Variants in HYCC1 observed in about 807,000 individuals in gnomAD.
HYCC1 encodes the protein hyccin PI4KA lipid kinase complex subunit 1, also known as hyccin.
At chr7:22,996,084 T>C in the HYCC1 span, among the ~76,000 whole-genome samples, 1 of 151,918 alleles carries the variant, frequency 6.6e-6, no homozygotes, top group Admixed American at 6.6e-5. Flanking sequence ...CACTTGAGGT[T>C]AGGAGTTTGA....
the HYCC1 span, among the ~76,000 whole-genome samples, chr7:22,924,687 G>A: frequency 2.0e-5 from 3 of 152,246 alleles, no homozygotes; most frequent in Non-Finnish European, 4.4e-5. Context: ...TGGCTGGGAA[G>A]CTCGAACTGG....
chr7:22,907,645 C>A, the HYCC1 span, among the ~76,000 whole-genome samples: 2 of 152,154 alleles, frequency 1.3e-5, no homozygotes, highest in African/African-American at 4.8e-5. Flanking sequence ...TGCGGGGGCC[C>A]ACCCCTGTAA....
At chr7:23,012,509 T>C in the HYCC1 span, among the ~76,000 whole-genome samples, 12 of 152,102 alleles carry the variant, frequency 7.9e-5, no homozygotes, top group African/African-American at 2.4e-4. Flanking sequence ...GTTTCCTAAA[T>C]ATGTGATGCT....
At chr7:22,903,508 T>G in the HYCC1 span, among the ~76,000 whole-genome samples, 1 of 152,136 alleles carries the variant, frequency 6.6e-6, no homozygotes, top group South Asian at 2.1e-4. Flanking sequence ...TTATCAAAAT[T>G]GACACAAGAA....
At chr7:22,933,218 T>G in the HYCC1 span, among the ~76,000 whole-genome samples, 37,689 of 152,058 alleles carry the variant, frequency 0.25, 4,811 homozygotes, top group East Asian at 0.45. Context: ...TGAATTATTG[T>G]GATAAATCTT....
chr7:23,001,060 C>T, the HYCC1 span, among the ~76,000 whole-genome samples: 1 of 152,038 alleles, frequency 6.6e-6, no homozygotes, highest in South Asian at 2.1e-4. Flanking sequence ...CCATACACAA[C>T]TGGCATCATT....
the HYCC1 span, among the ~76,000 whole-genome samples, chr7:22,984,557 A>G: frequency 6.6e-6 from 1 of 151,932 alleles, no homozygotes; most frequent in African/African-American, 2.4e-5. Context: ...TCGTCTCTAC[A>G]AAAAAACAAA....
At chr7:22,909,497 T>G in the HYCC1 span, among the ~76,000 whole-genome samples, 1 of 152,150 alleles carries the variant, frequency 6.6e-6, no homozygotes, top group Admixed American at 6.5e-5. Context: ...AACACACCAC[T>G]CCACGCATGT....
chr7:23,013,146 G>C, the HYCC1 span, among the ~76,000 whole-genome samples: 17 of 152,312 alleles, frequency 1.1e-4, no homozygotes, highest in Admixed American at 7.8e-4. Context: ...GCAAATTTCG[G>C]GGAAGCGTAC....
At chr7:22,916,124 A>G in the HYCC1 span, among the ~76,000 whole-genome samples, 1 of 152,136 alleles carries the variant, frequency 6.6e-6, no homozygotes, top group South Asian at 2.1e-4. Context: ...CTTTAAAAGG[A>G]TTAAAGCCTG....
the HYCC1 span, chr7:22,934,076 C>A: frequency 6.6e-6 from 1 of 152,056 alleles, no homozygotes; most frequent in Non-Finnish European, 1.5e-5. Flanking sequence ...TAAATGAGAT[C>A]CTGGGATATG....
the HYCC1 span, among the ~76,000 whole-genome samples, chr7:22,929,902 T>C: frequency 1.3e-5 from 2 of 152,182 alleles, no homozygotes; most frequent in African/African-American, 2.4e-5. Context: ...CGTATGTTTA[T>C]AGCGGCACTA....
At chr7:22,939,724 A>G in the HYCC1 span, 1 of 152,100 alleles carries the variant, frequency 6.6e-6, no homozygotes, top group African/African-American at 2.4e-5. Flanking sequence ...GAGTCCTAAG[A>G]CCTGTGTTCA....
chr7:22,995,171 A>C, the HYCC1 span, among the ~76,000 whole-genome samples: 3 of 152,016 alleles, frequency 2.0e-5, no homozygotes, highest in South Asian at 2.1e-4. Flanking sequence ...ATTACCACTC[A>C]AGATCATTCT....
chr7:22,923,146 G>A, the HYCC1 span, among the ~76,000 whole-genome samples: 1 of 152,144 alleles, frequency 6.6e-6, no homozygotes, highest in African/African-American at 2.4e-5. Context: ...CTCAGGAATA[G>A]ATCATATGTC....
the HYCC1 span, among the ~76,000 whole-genome samples, chr7:22,920,965 T>C: frequency 6.6e-6 from 1 of 152,158 alleles, no homozygotes; most frequent in South Asian, 2.1e-4. Context: ...TTGCTCCCTC[T>C]CTTGCCATGT....
the HYCC1 span, among the ~76,000 whole-genome samples, chr7:22,927,847 C>T: frequency 1.3e-5 from 2 of 152,162 alleles, no homozygotes; most frequent in African/African-American, 4.8e-5. Context: ...AGGCCAGCAT[C>T]ATCCTGATAC....
the HYCC1 span, among the ~76,000 whole-genome samples, chr7:22,917,935 C>A: frequency 6.6e-6 from 1 of 152,300 alleles, no homozygotes; most frequent in East Asian, 1.9e-4. Flanking sequence ...ACCACACTAT[C>A]AATCTCACTC....
At chr7:22,961,564 T>A in the HYCC1 span, among the ~76,000 whole-genome samples, 1 of 152,198 alleles carries the variant, frequency 6.6e-6, no homozygotes, top group African/African-American at 2.4e-5. Flanking sequence ...TGACTATTTA[T>A]AGAACAGAAA....
Sources: allele counts gnomAD v4.1 joint callset (sites outside exome capture counted in the v4.1 genomes callset), GRCh38; gene constraint gnomAD v4.1.1; transcripts MANE v1.5; gene names NCBI Gene and HGNC (gene_info 2026-07-23, HGNC 2026-07-21).